The following RBKS variants were observed in gnomAD, a reference collection of about 807,000 sequenced individuals.
The protein encoded by RBKS is ribokinase.
In RBKS, 33 loss-of-function variants were observed where a neutral mutation model predicts 33.9. The ratio of observed to expected loss-of-function variants is 0.97; its 90% CI spans 0.74 to 1.30. The LOEUF (loss-of-function observed/expected upper bound fraction) is 1.30. RBKS is among the 50% of genes most tolerant of loss of function. The pLI, the probability that RBKS is intolerant of heterozygous loss-of-function variation, is 0.00. For synonymous variants in RBKS, 125 were observed against 143.0 expected, an observed-to-expected ratio of 0.87 and a Z score of 0.90; for missense variants, 361 against 392.6, an observed-to-expected ratio of 0.92 and a Z score of 0.68.
At chr2:27,878,123 T>C (rs1664349813) in intron 1 of RBKS, among the ~76,000 whole-genome samples, 1 of 152,024 alleles carries the variant, frequency 6.6e-6, no homozygotes, top group Admixed American at 6.6e-5. Flanking sequence ...GCTGGTGTGC[T>C]GCACCCATTA....
chr2:27,886,412 T>C (rs1291089592), intron 1 of RBKS, among the ~76,000 whole-genome samples: 1 of 152,318 alleles, frequency 6.6e-6, no homozygotes, highest in East Asian at 1.9e-4. Context: ...TAAGGCACAG[T>C]AATAAAGATA....
chr2:27,871,039 T>C (rs1281877555), intron 1 of RBKS: 2 of 376,876 alleles, frequency 5.3e-6, no homozygotes, highest in Non-Finnish European at 1.1e-5. Context: ...TGTCTAGTTA[T>C]GGTGCCAGCT....
At chr2:27,870,156 G>C (rs943299011) in intron 1 of RBKS, 1 of 152,258 alleles carries the variant, frequency 6.6e-6, no homozygotes, top group Non-Finnish European at 1.5e-5. Context: ...ACCAGCTGGG[G>C]GAAAGAAGGC....
intron 1 of RBKS, among the ~76,000 whole-genome samples, chr2:27,885,501 T>G (rs1200359667): frequency 1.3e-5 from 2 of 152,226 alleles, no homozygotes; most frequent in African/African-American, 2.4e-5. Flanking sequence ...TCATCCATAC[T>G]GGACTCCATG....
chr2:27,882,350 C>T (rs367891923), intron 1 of RBKS, among the ~76,000 whole-genome samples: 1 of 152,150 alleles, frequency 6.6e-6, no homozygotes, highest in African/African-American at 2.4e-5. Flanking sequence ...TGATCATTAG[C>T]GAAATACAAA....
At chr2:27,836,999 G>A (rs181987076) in intron 5 of RBKS, among the ~76,000 whole-genome samples, 50 of 150,936 alleles carry the variant, frequency 3.3e-4, no homozygotes, top group Non-Finnish European at 6.2e-4. Flanking sequence ...AGGGCCAGCC[G>A]AGGTGGCTCA....
rs567410982 is a variant in RBKS at position 27,808,488 on chromosome 2, C to T, written c.795+19079G>A. ...TGTGTCTCAGCCATCTCAGTCTTCA[C>T]ACAGGTTGAGGTGCTTGGTTGTGGT... On this transcript the variant is annotated intron_variant, in intron 7 of 7. Transcript: ENST00000302188. 7.2e-5 allele frequency among the ~76,000 whole-genome samples: 11 copies of T among 152,334 alleles called. No homozygotes were observed. The South Asian group carries it at 2.3e-3, about 32-fold the overall frequency.
chr2:27,835,638 T>C (rs1678504611), intron 5 of RBKS, among the ~76,000 whole-genome samples: 1 of 150,376 alleles, frequency 6.6e-6, no homozygotes, highest in Non-Finnish European at 1.5e-5. Context: ...TTGCCTAGGC[T>C]GTTCTTGAAT....
At position 27,847,031 on chromosome 2, in the gene RBKS, A is replaced by G; in HGVS notation, c.349+11T>C. On this transcript the variant is annotated intron_variant, in intron 4 of 7. Transcript: ENST00000302188. ...CTTATGAAATGACACTCCAATATGC[A>G]AAACACTTACCTTCATTATTGACAA... 1 of 1,579,684 alleles carries G rather than the reference A, an allele frequency of 6.3e-7. No individual in the cohort carries two copies.
At chr2:27,851,560 C>T (rs112136638) in intron 2 of RBKS, among the ~76,000 whole-genome samples, 5,552 of 151,454 alleles carry the variant, frequency 0.037, 280 homozygotes, top group African/African-American at 0.11. Flanking sequence ...ATTTTTGAGA[C>T]GGAGTTTCGC....
In RBKS at chr2:27,801,975, T is replaced by A. The variant is rs1220509059; in HGVS notation, c.796-20187A>T. On this transcript the variant is annotated intron_variant, in intron 7 of 7. Coordinates refer to ENST00000302188, the MANE Select transcript of RBKS (RefSeq NM_022128.3). ...GAAAAAAAAAAAAAATATATATATA[T>A]ATATATATATATATATATTTTTTTT... is the stretch of plus-strand genomic sequence containing the variant. 6.8e-4 allele frequency among the ~76,000 whole-genome samples: 64 copies of A among 94,540 alleles called. 2 individuals carry two copies. Among genetic ancestry groups the A allele is most frequent in the African/African-American group, 2.3e-3 (51 of 22,306 alleles). 62.0% of individuals were successfully genotyped at this position (94,540 alleles called of 152,430 possible).
chr2:27,823,820 G>C (rs1357579151), intron 7 of RBKS, among the ~76,000 whole-genome samples: 1 of 152,220 alleles, frequency 6.6e-6, no homozygotes, highest in Non-Finnish European at 1.5e-5. Flanking sequence ...GGGCAATTCA[G>C]TGGAGAGTCT....
chr2:27,877,250 A>G (rs1047441923), intron 1 of RBKS, among the ~76,000 whole-genome samples: 6 of 151,628 alleles, frequency 4.0e-5, no homozygotes, highest in African/African-American at 1.2e-4. Context: ...CACATTATAA[A>G]TATCTTTGTT....
intron 1 of RBKS, among the ~76,000 whole-genome samples, chr2:27,888,300 G>A (rs769936166): frequency 6.6e-6 from 1 of 151,990 alleles, no homozygotes; most frequent in Non-Finnish European, 1.5e-5. Flanking sequence ...GCTAATTTTT[G>A]TATTTTTAGT....
intron 1 of RBKS, among the ~76,000 whole-genome samples, chr2:27,884,860 TG>T (rs1664495858): frequency 6.6e-6 from 1 of 152,222 alleles, no homozygotes. Flanking sequence ...CAGAGAGACT[TG>T]AAGAGAGACA....
chr2:27,861,594 G>T (rs1265690772), intron 1 of RBKS: 9 of 467,548 alleles, frequency 1.9e-5, no homozygotes. Flanking sequence ...ACCTAACCCT[G>T]ATGCAAGTAA....
intron 5 of RBKS, among the ~76,000 whole-genome samples, chr2:27,838,781 T>C (rs1203529172): frequency 1.3e-5 from 2 of 152,190 alleles, no homozygotes; most frequent in South Asian, 2.1e-4. Context: ...ATGGAGTAAC[T>C]TGGAGTTGCA....
At chr2:27,865,228 G>A (rs1664072149) in intron 1 of RBKS, among the ~76,000 whole-genome samples, 1 of 152,182 alleles carries the variant, frequency 6.6e-6, no homozygotes, top group African/African-American at 2.4e-5. Flanking sequence ...GCTGAGGCAG[G>A]AGAATGGCGT....
intron 1 of RBKS, among the ~76,000 whole-genome samples, chr2:27,871,858 T>C (rs993820043): frequency 6.6e-6 from 1 of 152,214 alleles, no homozygotes; most frequent in Non-Finnish European, 1.5e-5. Flanking sequence ...GTCAAACCTC[T>C]CTGCTAATGT....
Sources: allele counts gnomAD v4.1 joint callset (sites outside exome capture counted in the v4.1 genomes callset), GRCh38; gene constraint gnomAD v4.1.1; transcripts MANE v1.5; gene names NCBI Gene and HGNC (gene_info 2026-07-23, HGNC 2026-07-21).